Variants in SMARCA2 observed in about 807,000 individuals in gnomAD.
SMARCA2 encodes the protein SWI/SNF-related matrix-associated actin-dependent regulator of chromatin subfamily A member 2.
In SMARCA2, 61 loss-of-function variants were observed where a neutral mutation model predicts 199.8. The observed-to-expected ratio is 0.31, with a 90% CI of 0.25 to 0.38. SMARCA2 has a LOEUF of 0.38. Ranked by LOEUF, SMARCA2 falls within the 10% of genes least tolerant of loss-of-function variation. The probability of loss-of-function intolerance (pLI) is 1.00; values close to 1 mark genes in which losing one functional copy is unlikely to be tolerated. For synonymous variants in SMARCA2, 935 were observed against 732.0 expected (o/e 1.28, Z -4.48); for missense variants, 1,344 against 2,012.2 (o/e 0.67, Z 6.35).
At chr9:2,023,678 G>A (rs539880433) in intron 1 of SMARCA2, among the ~76,000 whole-genome samples, 1 of 152,270 alleles carries the variant, frequency 6.6e-6, no homozygotes, top group African/African-American at 2.4e-5. Flanking sequence ...GAAACTTCGG[G>A]TAGATTTATT....
At chr9:2,073,717 A>G (rs1227424898) in intron 12 of SMARCA2, 94 bp downstream of exon 12, 65 of 892,470 alleles carry the variant, frequency 7.3e-5, no homozygotes, top group Middle Eastern at 4.4e-4. Flanking sequence ...GGGTCCTTCT[A>G]TCATTTCTTC....
rs564032072 is a variant in SMARCA2 at position 2,016,906 on chromosome 9, A to G, written c.-37+1502A>G. Among the ~76,000 whole-genome samples the G allele has an allele frequency of 4.6e-5, 7 of 152,140 alleles. No homozygotes were observed. The highest frequency in any genetic ancestry group is 1.4e-4 in the African/African-American group (6 of 41,538). On this transcript the variant is annotated intron_variant, in intron 1 of 33. Coordinates refer to ENST00000349721, the MANE Select transcript of SMARCA2 (RefSeq NM_003070.5). The surrounding 1 kb of genome is among the most constrained non-coding windows in gnomAD (Gnocchi z 5.6). Reference sequence around the variant, plus strand: ...AAGGTGTCGCGATGCACTTCCCTAAATAACCGGTCCGGCGCGCCAGCCCCT... The same window carrying G: ...AAGGTGTCGCGATGCACTTCCCTAAGTAACCGGTCCGGCGCGCCAGCCCCT...
At chr9:2,054,499 C>T (rs1297540239) in intron 5 of SMARCA2, 98 bp from the exon 6 acceptor site, 2 of 1,404,120 alleles carry the variant, frequency 1.4e-6, no homozygotes, top group Non-Finnish European at 2.0e-6. Context: ...ATATGTTTTG[C>T]CCCGGACTTA....
intron 32 of SMARCA2, among the ~76,000 whole-genome samples, chr9:2,189,556 G>A (rs1461253101): frequency 6.6e-6 from 1 of 151,990 alleles, no homozygotes; most frequent in Non-Finnish European, 1.5e-5. Context: ...CATTATGACT[G>A]GCTTCTTTCA....
chr9:2,185,725 G>A (rs1827391056), intron 31 of SMARCA2, among the ~76,000 whole-genome samples: 1 of 152,172 alleles, frequency 6.6e-6, no homozygotes, highest in Non-Finnish European at 1.5e-5. Context: ...CTTGCTAGGG[G>A]CACTGCATTT....
Position 2,084,080 on chromosome 9 carries a change from A to G in SMARCA2, c.2416-6A>G. On this transcript the variant is annotated splice_region_variant and splice_polypyrimidine_tract_variant and intron_variant, in intron 16 of 33. Transcript: ENST00000349721. ...ATCATGCATGTATTTTTTTCTTTCC[A>G]TTCAGGGTACTCCTGCCATGCGTCG... is the stretch of plus-strand genomic sequence containing the variant. 2 of 1,572,112 alleles carry G rather than the reference A, an allele frequency of 1.3e-6. No individual in the cohort carries two copies. Among genetic ancestry groups the G allele is most frequent in the Non-Finnish European group, 1.7e-6 (2 of 1,142,898 alleles).
chr9:2,096,601 A>C (rs1563765592), intron 19 of SMARCA2, 56 bp from the exon 20 acceptor site: 1 of 1,092,538 alleles, frequency 9.2e-7, no homozygotes, highest in Non-Finnish European at 1.4e-6. Flanking sequence ...CAGTCTTCTT[A>C]GAACAGGCGC....
At chr9:2,152,420 G>A (rs773329810) in intron 27 of SMARCA2, among the ~76,000 whole-genome samples, 3 of 152,034 alleles carry the variant, frequency 2.0e-5, no homozygotes, top group Non-Finnish European at 4.4e-5. Flanking sequence ...AGGTGTGGTG[G>A]CTCATGGCTC....
chr9:2,065,342 T>C (rs1159109181), intron 9 of SMARCA2, among the ~76,000 whole-genome samples: 1 of 152,210 alleles, frequency 6.6e-6, no homozygotes, highest in African/African-American at 2.4e-5. Context: ...TGGAAACATA[T>C]GATACTAATG....
rs1190829667 is a variant in SMARCA2, at chr9:2,086,795, T to A, written c.2527-34T>A. On this transcript the variant is annotated intron_variant, in intron 17 of 33. Coordinates refer to ENST00000349721, the MANE Select transcript of SMARCA2 (RefSeq NM_003070.5). This position sits in a 1 kb window ranked among gnomAD's most constrained non-coding sequence, Gnocchi z 4.3. ...TGGAAATAGTTGTATTTTCCCTTGCTTACTACACGTCCGTCCTTCCTCTTG... is the reference window on the plus strand; with the variant it reads ...TGGAAATAGTTGTATTTTCCCTTGCATACTACACGTCCGTCCTTCCTCTTG... The A allele has an allele frequency of 6.2e-7, 1 of 1,611,946 alleles. No individual in the cohort carries two copies. The highest frequency in any genetic ancestry group is 2.2e-5 in the East Asian group (1 of 44,864).
intron 27 of SMARCA2, among the ~76,000 whole-genome samples, chr9:2,156,813 C>G (rs553770884): frequency 3.3e-5 from 5 of 152,314 alleles, no homozygotes; most frequent in Admixed American, 6.5e-5. Flanking sequence ...ATCCCATCTT[C>G]AGAACTTTTC....
intron 1 of SMARCA2, among the ~76,000 whole-genome samples, chr9:2,020,838 T>C (rs1019090331): frequency 6.6e-6 from 1 of 152,194 alleles, no homozygotes; most frequent in Admixed American, 6.5e-5. Flanking sequence ...ATGTTTGATA[T>C]AAACACCTCA....
chr9:2,022,683 T>A (rs1269206477), intron 1 of SMARCA2, among the ~76,000 whole-genome samples: 1 of 152,214 alleles, frequency 6.6e-6, no homozygotes, highest in African/African-American at 2.4e-5. Context: ...AAAGTATAAA[T>A]AAACTTATCT....
rs558092163 is a variant in SMARCA2, at chr9:2,155,760, A to G, written c.3982-5926A>G. Among the ~76,000 whole-genome samples, 134 of 46,468 alleles carry G rather than the reference A, an allele frequency of 2.9e-3. 1 individual carries two copies. Among genetic ancestry groups the G allele is most frequent in the African/African-American group, 9.4e-3 (134 of 14,330 alleles). 30.5% of individuals were successfully genotyped at this position (46,468 alleles called of 152,430 possible). A position where few individuals can be genotyped will look rare whatever the true frequency, so the allele number is the denominator to read the frequency against. ...TTTTTTTTTTTTTTTTTTTTTTTTCAAAAGTGATCTGAAGTTATTGATCAG... is the reference window on the plus strand; with the variant it reads ...TTTTTTTTTTTTTTTTTTTTTTTTCGAAAGTGATCTGAAGTTATTGATCAG... On this transcript the variant is annotated intron_variant, in intron 27 of 33. Transcript: ENST00000349721.
At chr9:2,097,131 G>A (rs377695155) in intron 20 of SMARCA2, 48 of 487,710 alleles carry the variant, frequency 9.8e-5, no homozygotes, top group Middle Eastern at 1.1e-3. Flanking sequence ...CAGTCATGTC[G>A]CAAAGCCATA....
At chr9:2,159,879 T>A in intron 27 of SMARCA2, 1 of 1,612,184 alleles carries the variant, frequency 6.2e-7, no homozygotes, top group Non-Finnish European at 8.5e-7. Context: ...TAACTGTGAT[T>A]TCTGATAGCC....
intron 33 of SMARCA2, 75 bp downstream of exon 33, chr9:2,191,483 C>G: frequency 6.6e-7 from 1 of 1,513,326 alleles, no homozygotes; most frequent in South Asian, 1.2e-5. Flanking sequence ...TTTCCATGCC[C>G]CTTCAGCCTT....
intron 27 of SMARCA2, among the ~76,000 whole-genome samples, chr9:2,131,485 A>G (rs1823946131): frequency 6.6e-6 from 1 of 152,200 alleles, no homozygotes. Context: ...GATAGATAAC[A>G]GCAAGTTTTA....
At chr9:2,019,992 C>T (rs1818530953) in intron 1 of SMARCA2, among the ~76,000 whole-genome samples, 1 of 152,056 alleles carries the variant, frequency 6.6e-6, no homozygotes, top group Non-Finnish European at 1.5e-5. Flanking sequence ...GGACTGTTTC[C>T]CAGCATTTGC....
Sources: gnomAD v4.1 joint callset for allele counts (sites outside exome capture counted in the v4.1 genomes callset) on GRCh38, gnomAD v4.1.1 for gene constraint, Gnocchi (gnomAD v3.1) non-coding constraint, MANE v1.5 for transcripts, NCBI Gene and HGNC (gene_info 2026-07-23, HGNC 2026-07-21) for gene names.